Variants in ARHGAP35 observed in about 807,000 individuals in gnomAD.
ARHGAP35 encodes Rho GTPase activating protein 35, also known as rho GTPase-activating protein 35.
ARHGAP35 carries 15 observed loss-of-function variants against 111.1 expected under a neutral mutation model. That is an observed-to-expected ratio of 0.13 (90% CI 0.09 to 0.21). ARHGAP35 has a LOEUF of 0.21. Among genes scored for constraint, ARHGAP35 ranks in the 10% least tolerant of loss-of-function variants. The probability of loss-of-function intolerance (pLI) is 1.00; values close to 1 mark genes in which losing one functional copy is unlikely to be tolerated. For synonymous variants in ARHGAP35, 643 were observed against 710.3 expected (o/e 0.91, Z 1.51); for missense variants, 1,262 against 1,873.0 (o/e 0.67, Z 6.02).
rs555167787 is a variant in ARHGAP35 at position 46,894,565 on chromosome 19, C to A, written c.-188-23923C>A. ...GGTTCAAGCGATTCTCCTGCCTCAGCCTCTCGAGTAGCTGGGACTACAGGT... is the reference window on the plus strand; with the variant it reads ...GGTTCAAGCGATTCTCCTGCCTCAGACTCTCGAGTAGCTGGGACTACAGGT... On this transcript the variant is annotated intron_variant, in intron 1 of 6. Transcript: ENST00000672722. Among the ~76,000 whole-genome samples, 3 of 151,658 alleles carry A rather than the reference C, an allele frequency of 2.0e-5. No homozygotes were observed. In the East Asian group the frequency reaches 5.8e-4, roughly 29 times the overall value.
Position 46,919,790 on chromosome 19 carries a change from C to T in ARHGAP35, c.1115C>T (p.Thr372Ile), listed in dbSNP as rs1054706329. ...ATAAAAGCCAAAAAGCTCTTAGAAA[C>T]CAAGCCAGAATTCTTGAAGTGGTTT... is the stretch of plus-strand genomic sequence containing the variant. Reference protein sequence around the residue: ...SCIKAKKLLETKPEFLKWFVV... With the variant: ...SCIKAKKLLEIKPEFLKWFVV... Residue 372 changes from threonine to isoleucine, a missense_variant, in exon 2 of 7, where the codon ACC (threonine) becomes ATC (isoleucine). Physicochemically the swap from Thr to Ile is moderately conservative, Grantham distance 89 (BLOSUM62 -1). Around this residue, in one of 8 missense-constraint regions of ARHGAP35, gnomAD observed 328 missense variants for 440.8 expected, o/e 0.74. Coordinates refer to ENST00000672722, the MANE Select transcript of ARHGAP35 (RefSeq NM_004491.5). The surrounding 1 kb of genome is among the most constrained non-coding windows in gnomAD (Gnocchi z 6.2). 2 of 1,614,012 alleles carry T rather than the reference C, an allele frequency of 1.2e-6. No individual in the cohort carries two copies. Among genetic ancestry groups the T allele is most frequent in the Admixed American group, 3.3e-5 (2 of 60,030 alleles).
intron 3 of ARHGAP35, among the ~76,000 whole-genome samples, chr19:46,970,274 G>A (rs2056538209): frequency 6.6e-6 from 1 of 152,118 alleles, no homozygotes; most frequent in Non-Finnish European, 1.5e-5. Context: ...ACTTCTTAAT[G>A]CTATGGGATA....
At chr19:46,877,163 C>T (rs922470922) in intron 1 of ARHGAP35, among the ~76,000 whole-genome samples, 2 of 148,528 alleles carry the variant, frequency 1.3e-5, no homozygotes, top group Non-Finnish European at 3.0e-5. Context: ...GCAGGAGAAT[C>T]GCTTGATGAA....
At chr19:46,979,060 G>A (rs1188778234) in intron 3 of ARHGAP35, among the ~76,000 whole-genome samples, 1 of 146,850 alleles carries the variant, frequency 6.8e-6, no homozygotes, top group African/African-American at 2.5e-5. Context: ...TGGGATGTGT[G>A]TGTGTGGTGG....
At chr19:46,869,142 T>C (rs759145984) in intron 1 of ARHGAP35, among the ~76,000 whole-genome samples, 8 of 151,934 alleles carry the variant, frequency 5.3e-5, no homozygotes, top group Non-Finnish European at 1.0e-4. Context: ...CCTGACCTCA[T>C]GTGATCCACC....
chr19:46,865,730 C>T (rs868161906), intron 1 of ARHGAP35, among the ~76,000 whole-genome samples: 1 of 152,202 alleles, frequency 6.6e-6, no homozygotes, highest in East Asian at 1.9e-4. Context: ...CAACTTTGGT[C>T]CACTGTGGTC....
In ARHGAP35 at chr19:46,973,330, C is replaced by T. The variant is rs527698491; in HGVS notation, c.3827-14659C>T. ...AGTGAGTCGAGATCGTGCCGCTGCA[C>T]TCCAGCCTGGATGACAGAGCGAGAC... On this transcript the variant is annotated intron_variant, in intron 3 of 6. Transcript: ENST00000672722. 4.0e-4 allele frequency among the ~76,000 whole-genome samples: 61 copies of T among 152,020 alleles called. 1 individual carries two copies. Among genetic ancestry groups the T allele is most frequent in the Non-Finnish European group, 6.9e-4 (47 of 67,976 alleles).
intron 5 of ARHGAP35, among the ~76,000 whole-genome samples, chr19:46,995,153 A>G (rs548529743): frequency 1.4e-4 from 21 of 152,306 alleles, no homozygotes; most frequent in African/African-American, 3.1e-4. Flanking sequence ...ACAGTGGCTC[A>G]TACCTGTAAT....
At chr19:46,937,727 C>T (rs959133790) in intron 3 of ARHGAP35, among the ~76,000 whole-genome samples, 1 of 152,230 alleles carries the variant, frequency 6.6e-6, no homozygotes, top group Non-Finnish European at 1.5e-5. Context: ...AGTTGCCTGC[C>T]CGCCTGTGTT....
At chr19:46,861,792 G>A (rs1270611646) in intron 1 of ARHGAP35, among the ~76,000 whole-genome samples, 1 of 151,976 alleles carries the variant, frequency 6.6e-6, no homozygotes, top group Non-Finnish European at 1.5e-5. Context: ...TGCACCCTGG[G>A]AGCTGTCCCT....
chr19:47,001,534 G>C lies in ARHGAP35; in HGVS notation c.*846G>C, dbSNP rs569104694. The C allele has an allele frequency of 3.5e-5, 23 of 657,764 alleles. No homozygotes were observed. The African/African-American group carries it at 4.4e-4, about 12-fold the overall frequency. 40.7% of individuals were successfully genotyped at this position (657,764 alleles called of 1,614,324 possible). On this transcript the variant is annotated 3_prime_UTR_variant, in exon 7 of 7. Transcript: ENST00000672722. This position sits in a 1 kb window ranked among gnomAD's most constrained non-coding sequence, Gnocchi z 5.4. ...GTCTTTGTGGCAGCAAAACCAGGAT[G>C]CCTGGAGCTGTGGCCTGAGGGCCTG...
intron 2 of ARHGAP35, among the ~76,000 whole-genome samples, chr19:46,924,208 G>A (rs1290449433): frequency 6.6e-6 from 1 of 152,138 alleles, no homozygotes; most frequent in Non-Finnish European, 1.5e-5. Context: ...AAATCAGAAG[G>A]TTCTAGAATC....
chr19:46,906,143 C>A (rs2056106644), intron 1 of ARHGAP35, among the ~76,000 whole-genome samples: 2 of 151,950 alleles, frequency 1.3e-5, no homozygotes, highest in African/African-American at 4.8e-5. Context: ...ATAGTGAGAT[C>A]CTGTCTTTAC....
At chr19:46,924,241 A>G (rs1375887981) in intron 2 of ARHGAP35, among the ~76,000 whole-genome samples, 1 of 152,192 alleles carries the variant, frequency 6.6e-6, no homozygotes, top group Non-Finnish European at 1.5e-5. Flanking sequence ...AGAGCTGACA[A>G]TCCTGACAAC....
At position 46,921,170 on chromosome 19, in the gene ARHGAP35, G is replaced by A. The variant is rs376792949; in HGVS notation, c.2495G>A (p.Arg832Gln). 131 of 1,613,862 alleles carry A rather than the reference G, an allele frequency of 8.1e-5. No homozygotes were observed. The highest frequency in any genetic ancestry group is 1.6e-4 in the Middle Eastern group (1 of 6,084). ...CTACCAATCGGACTGCACAAGAAGC[G>A]GATTGAACTGTCTGTTCTTTCATAC... ...LELPIGLHKKRIELSVLSYHS... is the reference protein window; with the variant it reads ...LELPIGLHKKQIELSVLSYHS... The change falls in exon 2 of 7, where the codon CGG becomes CAG. Residue 832 changes from arginine (R) to glutamine (Q), a missense_variant. Transcript: ENST00000672722. The surrounding 1 kb of genome is among the most constrained non-coding windows in gnomAD (Gnocchi z 4.3).
chr19:46,886,083 T>G (rs113483629), intron 1 of ARHGAP35, among the ~76,000 whole-genome samples: 1 of 152,242 alleles, frequency 6.6e-6, no homozygotes. Context: ...GATTGGGTAC[T>G]GCATGATGCT....
chr19:46,887,751 C>G (rs1283307029), intron 1 of ARHGAP35, among the ~76,000 whole-genome samples: 2 of 152,096 alleles, frequency 1.3e-5, no homozygotes, highest in Non-Finnish European at 2.9e-5. Flanking sequence ...GCTACACCCT[C>G]CCCGACCGAA....
Position 46,992,926 on chromosome 19 carries a change from T to G in ARHGAP35, c.4036+3251T>G, listed in dbSNP as rs1669986510. 6.6e-6 allele frequency among the ~76,000 whole-genome samples: 1 copy of G among 152,196 alleles called. No homozygotes were observed. ...CTGGGCTCTTGTTCACCAGCTGCCT[T>G]GGGACGTTACTGGTTCTGGGATCCT... On this transcript the variant is annotated intron_variant, in intron 5 of 6. Coordinates refer to ENST00000672722, the MANE Select transcript of ARHGAP35 (RefSeq NM_004491.5). This position sits in a 1 kb window ranked among gnomAD's most constrained non-coding sequence, Gnocchi z 4.4.
At chr19:46,868,766 A>G (rs866098370) in intron 1 of ARHGAP35, among the ~76,000 whole-genome samples, 1 of 152,208 alleles carries the variant, frequency 6.6e-6, no homozygotes, top group Non-Finnish European at 1.5e-5. Flanking sequence ...TTAGGCAACT[A>G]AAAATATATA....
Sources: allele counts gnomAD v4.1 joint callset (sites outside exome capture counted in the v4.1 genomes callset), GRCh38; gene constraint gnomAD v4.1.1; regional missense constraint gnomAD v4.1.1; non-coding constraint Gnocchi (gnomAD v3.1); transcripts MANE v1.5; gene names NCBI Gene and HGNC (gene_info 2026-07-23, HGNC 2026-07-21).